The following NPAT variants were observed in gnomAD, a reference collection of about 807,000 sequenced individuals.
NPAT encodes the protein protein NPAT.
In NPAT, 52 loss-of-function variants were observed where a neutral mutation model predicts 130.7. That is an observed-to-expected ratio of 0.40 (90% CI 0.32 to 0.50). The LOEUF (loss-of-function observed/expected upper bound fraction) is 0.50, where lower values mean the gene tolerates loss of function less well. Ranked by LOEUF, NPAT falls within the 20% of genes least tolerant of loss-of-function variation. The probability of loss-of-function intolerance (pLI) is 0.68; values close to 1 mark genes in which losing one functional copy is unlikely to be tolerated. For synonymous variants in NPAT, 580 were observed against 584.8 expected (o/e 0.99, Z 0.12); for missense variants, 1,687 against 1,662.6 (o/e 1.01, Z -0.26).
At position 108,172,424 on chromosome 11, in the gene NPAT, G is replaced by T; in HGVS notation, c.2560C>A (p.Pro854Thr). Residue 854 changes from proline to threonine, a missense_variant, in exon 13 of 18, where the codon CCA becomes ACA. Physicochemically the swap from Pro to Thr is conservative, Grantham distance 38. Transcript: ENST00000278612. ...TTGCCAAAAGCTGTGCTTGTGGCTGGCATCAACTGTATATATCCTCCATCC... is the reference window on the plus strand; with the variant it reads ...TTGCCAAAAGCTGTGCTTGTGGCTGTCATCAACTGTATATATCCTCCATCC... ...SKDGGYIQLM[P>T]ATSTAFGNSN... is the part of the protein sequence containing the mutation. The T allele has an allele frequency of 6.2e-7, 1 of 1,614,114 alleles. No individual in the cohort carries two copies. The highest frequency in any genetic ancestry group is 1.1e-5 in the South Asian group (1 of 91,084).
chr11:108,209,762 G>A (rs543814405), intron 1 of NPAT, among the ~76,000 whole-genome samples: 1 of 151,678 alleles, frequency 6.6e-6, no homozygotes, highest in African/African-American at 2.4e-5. Context: ...GGTGGCAGTC[G>A]CCTGTAGTCC....
intron 13 of NPAT, among the ~76,000 whole-genome samples, chr11:108,170,554 T>C (rs1238927610): frequency 2.0e-5 from 3 of 152,218 alleles, no homozygotes; most frequent in Non-Finnish European, 4.4e-5. Flanking sequence ...TGGTCAAAAC[T>C]ATGGAGGGAA....
chr11:108,204,431 G>A (rs1371393320), intron 1 of NPAT, among the ~76,000 whole-genome samples: 2 of 152,086 alleles, frequency 1.3e-5, no homozygotes, highest in Non-Finnish European at 2.9e-5. Context: ...ATCCACTTTG[G>A]GTACCCTCTC....
At chr11:108,174,992 T>C (rs905635599) in intron 12 of NPAT, among the ~76,000 whole-genome samples, 6 of 152,228 alleles carry the variant, frequency 3.9e-5, no homozygotes, top group East Asian at 1.9e-4. Flanking sequence ...TGAATCAGTA[T>C]GAAAAATATT....
chr11:108,162,204 T>C, intron 15 of NPAT, 24 bp from the exon 16 acceptor site: 1 of 1,598,620 alleles, frequency 6.3e-7, no homozygotes, highest in Non-Finnish European at 8.6e-7. Flanking sequence ...TGAACATTCC[T>C]GAGAAAAAGA....
intron 10 of NPAT, among the ~76,000 whole-genome samples, chr11:108,177,652 A>C (rs1182481921): frequency 6.6e-6 from 1 of 152,210 alleles, no homozygotes; most frequent in Non-Finnish European, 1.5e-5. Flanking sequence ...ATATATTCCT[A>C]AACATTAAAA....
At chr11:108,209,508 C>T (rs963813200) in intron 1 of NPAT, among the ~76,000 whole-genome samples, 4 of 151,726 alleles carry the variant, frequency 2.6e-5, no homozygotes, top group East Asian at 1.9e-4. Flanking sequence ...ACTATGATCG[C>T]GCCACTGCAC....
rs779132391 is a variant in NPAT, at chr11:108,186,519, C to G, written c.689G>C (p.Arg230Pro). 1 of 1,613,854 alleles carries G rather than the reference C, an allele frequency of 6.2e-7. No homozygotes were observed. The highest frequency in any genetic ancestry group is 1.1e-5 in the South Asian group (1 of 91,078). Reference sequence around the variant, plus strand: ...AAAAGCGTTTGGATCTTGGAAATTCCGTATTGTTGAATGAGGGCCAGACAA... The same window carrying G: ...AAAAGCGTTTGGATCTTGGAAATTCGGTATTGTTGAATGAGGGCCAGACAA... Reference protein sequence around the residue: ...TTLSGPHSTIRNFQDPNAFAV... With the variant: ...TTLSGPHSTIPNFQDPNAFAV... The change falls in exon 8 of 18, where the codon CGG (arginine) becomes CCG (proline). Residue 230 changes from arginine to proline, a missense_variant. Coordinates refer to ENST00000278612, the MANE Select transcript of NPAT (RefSeq NM_002519.3).
chr11:108,188,020 A>C, intron 7 of NPAT, 78 bp downstream of exon 7: 1 of 983,250 alleles, frequency 1.0e-6, no homozygotes. Flanking sequence ...TTTATTCACA[A>C]TGTAAGTATC....
intron 1 of NPAT, among the ~76,000 whole-genome samples, chr11:108,205,304 A>T (rs1481315622): frequency 6.6e-6 from 1 of 152,240 alleles, no homozygotes; most frequent in Non-Finnish European, 1.5e-5. Context: ...TCTGTTGCCC[A>T]GGCTGAAGAG....
rs573315838 is a variant in NPAT at position 108,170,459 on chromosome 11, T to C, written c.2786-416A>G. 2.0e-4 allele frequency among the ~76,000 whole-genome samples: 31 copies of C among 152,340 alleles called. No homozygotes were observed. The South Asian group carries it at 5.6e-3, about 27-fold the overall frequency. ...AGAAAATTACAACCCCAACTGAATA[T>C]TTATACCCAGGACTACACTTGTAAC... On this transcript the variant is annotated intron_variant, in intron 13 of 17. Transcript: ENST00000278612.
chr11:108,168,643 C>T (rs924306459), intron 15 of NPAT, among the ~76,000 whole-genome samples: 2 of 152,018 alleles, frequency 1.3e-5, no homozygotes, highest in Admixed American at 1.3e-4. Context: ...AAAATAAAAC[C>T]GGAATATCCA....
chr11:108,208,580 C>G (rs2078351861), intron 1 of NPAT: 2 of 312,464 alleles, frequency 6.4e-6, no homozygotes, highest in African/African-American at 2.6e-5. Context: ...AGGGTGAGAC[C>G]CTGTCTTTAA....
chr11:108,161,800 G>T lies in NPAT; in HGVS notation c.3286C>A (p.Pro1096Thr). 6.2e-7 allele frequency: 1 copy of T among 1,614,004 alleles called. No homozygotes were observed. The part of the protein sequence containing the change: ...QNKERNAVSF[P>T]NLDSPNVSST... ...GACACATTGGGTGAGTCAAGATTAG[G>T]AAAAGAGACTGCATTCCTTTCTTTG... Residue 1096 changes from proline to threonine, a missense_variant, in exon 17 of 18, where the codon CCT becomes ACT. Physicochemically the swap from Pro to Thr is conservative, Grantham distance 38. This residue lies in a region of NPAT where 1,379 missense variants were observed against 1,346.6 expected (regional missense o/e 1.02). Coordinates refer to ENST00000278612, the MANE Select transcript of NPAT (RefSeq NM_002519.3).
chr11:108,184,583 A>G (rs2078087626), intron 10 of NPAT, among the ~76,000 whole-genome samples: 1 of 151,596 alleles, frequency 6.6e-6, no homozygotes, highest in African/African-American at 2.4e-5. Context: ...CAGGCTGGAG[A>G]GCAGTGGTGC....
At chr11:108,185,098 A>T (rs1001130237) in intron 10 of NPAT, 134 bp downstream of exon 10, 2 of 723,414 alleles carry the variant, frequency 2.8e-6, no homozygotes, top group African/African-American at 3.5e-5. Flanking sequence ...TTACTATTGT[A>T]AATCATTTTA....
chr11:108,206,346 G>A (rs1417225587), intron 1 of NPAT, among the ~76,000 whole-genome samples: 2 of 152,214 alleles, frequency 1.3e-5, no homozygotes, highest in Non-Finnish European at 2.9e-5. Flanking sequence ...TTTGGCTCAT[G>A]CTACTGGGCC....
chr11:108,221,702 G>A (rs1591426477), intron 1 of NPAT, among the ~76,000 whole-genome samples: 1 of 152,024 alleles, frequency 6.6e-6, no homozygotes, highest in South Asian at 2.1e-4. Context: ...TTACTGGCTC[G>A]GGTTTTGAGC....
At position 108,186,503 on chromosome 11, in the gene NPAT, TG is replaced by T; in HGVS notation, c.704del (p.Pro235GlnfsTer6). ...PHSTIRNFQD[P>X]NAFAVEKQMV... ...TTACTTTTTCTACTGCAAAAGCGTTTGGATCTTGGAAATTCCGTATTGTTGA... is the reference window on the plus strand; with the variant it reads ...TTACTTTTTCTACTGCAAAAGCGTTTGATCTTGGAAATTCCGTATTGTTGA... On this transcript the variant is annotated frameshift_variant, in exon 8 of 18. Transcript: ENST00000278612. LOFTEE classifies it high-confidence loss of function. 6.2e-7 allele frequency: 1 copy of T among 1,614,112 alleles called. No homozygotes were observed.
Sources: allele counts gnomAD v4.1 joint callset (sites outside exome capture counted in the v4.1 genomes callset), GRCh38; gene constraint gnomAD v4.1.1; regional missense constraint gnomAD v4.1.1; transcripts MANE v1.5; gene names NCBI Gene and HGNC (gene_info 2026-07-23, HGNC 2026-07-21).